Variants in TENM4 observed in about 807,000 individuals in gnomAD.
TENM4 encodes the protein teneurin transmembrane protein 4.
A neutral mutation model predicts 243.3 loss-of-function variants in TENM4; 82 were observed. The observed-to-expected ratio is 0.34, with a 90% CI of 0.28 to 0.40. The LOEUF (loss-of-function observed/expected upper bound fraction) is 0.40. TENM4 is among the 10% of genes least tolerant of loss of function. The pLI is 1.00. For missense variants in TENM4, 3,138 were observed against 3,673.3 expected (o/e 0.85, Z 3.77); for synonymous variants, 1,412 against 1,456.3 (o/e 0.97, Z 0.69).
chr11:79,237,277 G>A (rs1218123329), intron 2 of TENM4, among the ~76,000 whole-genome samples: 1 of 152,132 alleles, frequency 6.6e-6, no homozygotes, highest in Non-Finnish European at 1.5e-5. Context: ...ACAGGGTGGA[G>A]AGACAAGCTC....
At chr11:79,370,779 T>TAAA (rs544196671) in intron 1 of TENM4, among the ~76,000 whole-genome samples, 1,478 of 57,108 alleles carry the variant, frequency 0.026, 105 homozygotes, top group Non-Finnish European at 0.034. Flanking sequence ...ACTCCTATGG[T>TAAA]AAAAAAAAAA....
At chr11:79,409,101 T>TGTGC (rs1471534971) in intron 1 of TENM4, among the ~76,000 whole-genome samples, 217 of 103,662 alleles carry the variant, frequency 2.1e-3, no homozygotes, top group East Asian at 3.7e-3. Context: ...TGTGTGTGTG[T>TGTGC]GCGCGCGCGC....
intron 1 of TENM4, among the ~76,000 whole-genome samples, chr11:79,439,557 G>C (rs1207206248): frequency 2.0e-5 from 3 of 152,062 alleles, no homozygotes; most frequent in Non-Finnish European, 1.5e-5. Context: ...GGCGGGCAGC[G>C]GGCAGCTAAC....
intron 8 of TENM4, among the ~76,000 whole-genome samples, chr11:78,890,890 C>T (rs986374834): frequency 7.2e-5 from 11 of 152,188 alleles, no homozygotes; most frequent in South Asian, 4.1e-4. Context: ...CAAACCCACC[C>T]CTATTGGGGT....
intron 6 of TENM4, among the ~76,000 whole-genome samples, chr11:79,055,102 G>A (rs1173821899): frequency 6.8e-6 from 1 of 147,914 alleles, no homozygotes; most frequent in Admixed American, 6.8e-5. Flanking sequence ...ACTCCAGCCT[G>A]GAAAACAAGA....
intron 1 of TENM4, among the ~76,000 whole-genome samples, chr11:79,330,045 G>A (rs1008227476): frequency 6.6e-6 from 1 of 152,198 alleles, no homozygotes; most frequent in Non-Finnish European, 1.5e-5. Context: ...GGGCAATGGT[G>A]TGTTGTTAAG....
intron 3 of TENM4, among the ~76,000 whole-genome samples, chr11:79,159,565 T>A (rs1018630686): frequency 6.6e-6 from 1 of 152,160 alleles, no homozygotes; most frequent in African/African-American, 2.4e-5. Context: ...TTAACATTTA[T>A]CCCACCTCTC....
At chr11:78,814,215 A>C (rs1857557806) in intron 13 of TENM4, 79 bp downstream of exon 13, 3 of 1,374,004 alleles carry the variant, frequency 2.2e-6, no homozygotes, top group Admixed American at 2.3e-5. Context: ...TGGATTCTGC[A>C]CTTGCTCTGA....
chr11:78,970,383 A>G (rs956530526), intron 6 of TENM4, among the ~76,000 whole-genome samples: 63 of 152,196 alleles, frequency 4.1e-4, no homozygotes, highest in African/African-American at 1.3e-3. Flanking sequence ...CTGAAAATCT[A>G]GAGTGACTAT....
rs566700641 is a variant in TENM4, at chr11:79,031,735, C to G, written c.493+33003G>C. On this transcript the variant is annotated intron_variant, in intron 6 of 33. Transcript: ENST00000278550. ...GGCATGCTGGGTTGGACATGCCCTC[C>G]CTTAAGACTTGGTGCCTCTGGGCAA... 4.9e-4 allele frequency among the ~76,000 whole-genome samples: 75 copies of G among 152,302 alleles called. No individual in the cohort carries two copies. In the Middle Eastern group the frequency reaches 0.014, roughly 28 times the overall value.
intron 1 of TENM4, among the ~76,000 whole-genome samples, chr11:79,390,696 TG>T (rs752154563): frequency 6.6e-6 from 1 of 152,332 alleles, no homozygotes; most frequent in Non-Finnish European, 1.5e-5. Flanking sequence ...CATTAGTCCC[TG>T]GGCTTCCATG....
At chr11:79,263,359 T>G (rs1460684549) in intron 2 of TENM4, among the ~76,000 whole-genome samples, 1 of 151,790 alleles carries the variant, frequency 6.6e-6, no homozygotes, top group Non-Finnish European at 1.5e-5. Flanking sequence ...CAAGGGGGAG[T>G]CTGAAAAACC....
intron 2 of TENM4, among the ~76,000 whole-genome samples, chr11:79,271,046 GA>G (rs1164847218): frequency 6.6e-6 from 1 of 152,136 alleles, no homozygotes; most frequent in Non-Finnish European, 1.5e-5. Flanking sequence ...GTCTGCTGGG[GA>G]AATTGATGAC....
chr11:79,404,783 A>G (rs947915163), intron 1 of TENM4, among the ~76,000 whole-genome samples: 25 of 152,186 alleles, frequency 1.6e-4, no homozygotes, highest in Admixed American at 7.2e-4. Flanking sequence ...AAATCCCAAG[A>G]CAAAATACTG....
chr11:78,873,810 C>A (rs930161001), intron 9 of TENM4, among the ~76,000 whole-genome samples: 1 of 152,112 alleles, frequency 6.6e-6, no homozygotes, highest in Non-Finnish European at 1.5e-5. Flanking sequence ...GCTACTTCTG[C>A]CTGCTCAGGA....
At chr11:78,875,535 A>T (rs2136251671) in intron 9 of TENM4, among the ~76,000 whole-genome samples, 1 of 152,296 alleles carries the variant, frequency 6.6e-6, no homozygotes, top group South Asian at 2.1e-4. Context: ...AGCTACTTGC[A>T]TCCTCTCAGT....
intron 4 of TENM4, chr11:79,093,136 C>A (rs1291038486): frequency 6.6e-6 from 1 of 152,240 alleles, no homozygotes; most frequent in Non-Finnish European, 1.5e-5. Context: ...AAGCAACACA[C>A]TTAGCCCTGG....
chr11:78,659,088 G>A (rs1857971962), intron 33 of TENM4, among the ~76,000 whole-genome samples: 1 of 152,130 alleles, frequency 6.6e-6, no homozygotes, highest in South Asian at 2.1e-4. Flanking sequence ...ACTGGTGACA[G>A]AAAAATGAAT....
intron 1 of TENM4, among the ~76,000 whole-genome samples, chr11:79,417,957 T>C (rs1858853722): frequency 6.6e-6 from 1 of 152,192 alleles, no homozygotes; most frequent in African/African-American, 2.4e-5. Context: ...TGTCACTCTT[T>C]AATGGCACTC....
Sources: gnomAD v4.1 joint callset for allele counts (sites outside exome capture counted in the v4.1 genomes callset) on GRCh38, gnomAD v4.1.1 for gene constraint, MANE v1.5 for transcripts, NCBI Gene and HGNC (gene_info 2026-07-23, HGNC 2026-07-21) for gene names.